PSMB2: variants seen among roughly 807,000 people sequenced by gnomAD.
PSMB2 encodes the protein proteasome 20S subunit beta 2, also known as proteasome subunit beta type-2.
In PSMB2, 13 loss-of-function variants were observed where a neutral mutation model predicts 25.7. The observed-to-expected ratio is 0.51, with a 90% CI of 0.33 to 0.80. PSMB2 has a LOEUF of 0.80. Among genes scored for constraint, PSMB2 ranks in the 30% least tolerant of loss-of-function variants. PSMB2 has a pLI of 0.02. For synonymous variants in PSMB2, 87 were observed against 96.2 expected, an observed-to-expected ratio of 0.90 and a Z score of 0.56; for missense variants, 202 against 259.0, an observed-to-expected ratio of 0.78 and a Z score of 1.51.
At position 35,602,623 on chromosome 1, in the gene PSMB2, C is replaced by T. The variant is rs78524165; in HGVS notation, c.*644G>A. The T allele has an allele frequency of 6.5e-6, 1 of 152,686 alleles. No individual in the cohort carries two copies. Among genetic ancestry groups the T allele is most frequent in the African/African-American group, 2.4e-5 (1 of 41,430 alleles). The allele number at this position is 152,686 out of a possible 1,614,324, so 9.5% of individuals were successfully genotyped here. A position where few individuals can be genotyped will look rare whatever the true frequency, so the allele number is the denominator to read the frequency against. On this transcript the variant is annotated 3_prime_UTR_variant, in exon 6 of 6. Transcript: ENST00000373237. ...ACCGATTCTCCTGTCTCAGCCTCCC[C>T]AGTAGCTGGGACTAGGGGTGCGTGC...
At chr1:35,630,138 G>A (rs1651047720) in intron 3 of PSMB2, among the ~76,000 whole-genome samples, 1 of 152,126 alleles carries the variant, frequency 6.6e-6, no homozygotes, top group African/African-American at 2.4e-5. Flanking sequence ...TTGCACCATT[G>A]CACTCTAGTT....
chr1:35,626,771 T>C (rs926407209), intron 3 of PSMB2, among the ~76,000 whole-genome samples: 8 of 152,202 alleles, frequency 5.3e-5, no homozygotes, highest in Non-Finnish European at 1.2e-4. Context: ...CAGATACATA[T>C]GTAAGTATTT....
chr1:35,611,844 A>G (rs1173804055), intron 3 of PSMB2, among the ~76,000 whole-genome samples: 1 of 150,548 alleles, frequency 6.6e-6, no homozygotes, highest in Non-Finnish European at 1.5e-5. Context: ...AAAAGGAGAG[A>G]GAGAGAGAGA....
intron 1 of PSMB2, among the ~76,000 whole-genome samples, chr1:35,638,269 A>C (rs1411586048): frequency 2.6e-5 from 4 of 152,234 alleles, no homozygotes; most frequent in Non-Finnish European, 2.9e-5. Flanking sequence ...TGAGTTGTAC[A>C]GGAAACTGCC....
intron 4 of PSMB2, among the ~76,000 whole-genome samples, chr1:35,606,371 A>G (rs1231321752): frequency 6.6e-6 from 1 of 152,244 alleles, no homozygotes; most frequent in Non-Finnish European, 1.5e-5. Flanking sequence ...TACAAAATTA[A>G]TATACAAAAA....
chr1:35,614,811 T>C (rs1650447524), intron 3 of PSMB2, among the ~76,000 whole-genome samples: 1 of 152,190 alleles, frequency 6.6e-6, no homozygotes, highest in African/African-American at 2.4e-5. Flanking sequence ...GAACTTCAGC[T>C]TCTAGCATGA....
chr1:35,633,288 C>T (rs1192295695), intron 2 of PSMB2, among the ~76,000 whole-genome samples: 1 of 151,530 alleles, frequency 6.6e-6, no homozygotes, highest in Non-Finnish European at 1.5e-5. Flanking sequence ...CTTTACTTAA[C>T]CCCCTAAACA....
intron 2 of PSMB2, among the ~76,000 whole-genome samples, chr1:35,633,795 T>G (rs569130511): frequency 6.6e-6 from 1 of 152,412 alleles, no homozygotes; most frequent in Non-Finnish European, 1.5e-5. Flanking sequence ...TTAAGCAGAA[T>G]GCTTACCATA....
At chr1:35,628,623 ATATATATATT>A (rs1180987642) in intron 3 of PSMB2, among the ~76,000 whole-genome samples, 65 of 46,446 alleles carry the variant, frequency 1.4e-3, no homozygotes, top group African/African-American at 2.4e-3. Flanking sequence ...ATATATATAT[ATATATATATT>A]TTTTTTTTTT....
At chr1:35,631,158 G>T in intron 3 of PSMB2, 116 bp downstream of exon 3, 1 of 893,242 alleles carries the variant, frequency 1.1e-6, no homozygotes, top group Admixed American at 2.0e-5. Context: ...AGTAGCAACA[G>T]GAGGGGTTCT....
intron 3 of PSMB2, among the ~76,000 whole-genome samples, chr1:35,614,500 A>ATCT (rs1650438340): frequency 3.9e-5 from 6 of 152,352 alleles, no homozygotes; most frequent in Admixed American, 1.3e-4. Flanking sequence ...AATTGTTTAG[A>ATCT]TAGTAAGTCT....
intron 3 of PSMB2, among the ~76,000 whole-genome samples, chr1:35,628,722 A>T (rs572741687): frequency 6.9e-6 from 1 of 145,668 alleles, no homozygotes; most frequent in East Asian, 2.1e-4. Context: ...TCAATCCTAC[A>T]TGTCTCTAGC....
Position 35,601,655 on chromosome 1 carries a change from C to CA in PSMB2, c.*1611dup. On this transcript the variant is annotated 3_prime_UTR_variant, in exon 6 of 6. Transcript: ENST00000373237. ...GTATCTTAGATGATACATTTAATCACAGACAAAACAAAAACCTATCTGTAT... is the reference window on the plus strand; with the variant it reads ...GTATCTTAGATGATACATTTAATCACAAGACAAAACAAAAACCTATCTGTAT... The CA allele has an allele frequency of 1.0e-6, 1 of 985,132 alleles. No homozygotes were observed. The highest frequency in any genetic ancestry group is 5.2e-4 in the Middle Eastern group (1 of 1,912). 61.0% of individuals were successfully genotyped at this position (985,132 alleles called of 1,614,324 possible).
At chr1:35,632,134 T>C (rs905465152) in intron 2 of PSMB2, among the ~76,000 whole-genome samples, 2 of 152,368 alleles carry the variant, frequency 1.3e-5, no homozygotes, top group South Asian at 2.1e-4. Context: ...TATTAAGAAG[T>C]ATAATATGAC....
Position 35,603,017 on chromosome 1 carries a change from G to A in PSMB2, c.*250C>T, listed in dbSNP as rs2148560186. On this transcript the variant is annotated 3_prime_UTR_variant, in exon 6 of 6. Transcript: ENST00000373237. Reference sequence around the variant, plus strand: ...GAACGTGGGGCCGTCAGCTGCTAAAGGGTACTGAGCGTTAATGGAGGGCGG... The same window carrying A: ...GAACGTGGGGCCGTCAGCTGCTAAAAGGTACTGAGCGTTAATGGAGGGCGG... 8.3e-7 allele frequency: 1 copy of A among 1,200,984 alleles called. No homozygotes were observed. Among genetic ancestry groups the A allele is most frequent in the Non-Finnish European group, 1.0e-6 (1 of 964,266 alleles). 74.4% of individuals were successfully genotyped at this position (1,200,984 alleles called of 1,614,324 possible).
chr1:35,638,559 G>A (rs961200037), intron 1 of PSMB2, among the ~76,000 whole-genome samples: 5 of 152,184 alleles, frequency 3.3e-5, no homozygotes, highest in Admixed American at 1.3e-4. Context: ...TCACAAGTGA[G>A]AAAAACTAAT....
At chr1:35,627,354 G>A (rs189134559) in intron 3 of PSMB2, among the ~76,000 whole-genome samples, 2 of 150,402 alleles carry the variant, frequency 1.3e-5, no homozygotes, top group South Asian at 4.2e-4. Flanking sequence ...AACAGCAATC[G>A]CAGCATAAAA....
chr1:35,631,997 G>C (rs1420927148), intron 2 of PSMB2, among the ~76,000 whole-genome samples: 1 of 152,080 alleles, frequency 6.6e-6, no homozygotes, highest in Non-Finnish European at 1.5e-5. Flanking sequence ...CAGCATGGGT[G>C]ACAGAGCAAG....
chr1:35,605,685 T>C (rs560393270), intron 4 of PSMB2, among the ~76,000 whole-genome samples: 1 of 152,294 alleles, frequency 6.6e-6, no homozygotes, highest in South Asian at 2.1e-4. Flanking sequence ...AAAGAGACGA[T>C]GGGGTCAGAA....
Sources: gnomAD v4.1 joint callset for allele counts (sites outside exome capture counted in the v4.1 genomes callset) on GRCh38, gnomAD v4.1.1 for gene constraint, MANE v1.5 for transcripts, NCBI Gene and HGNC (gene_info 2026-07-23, HGNC 2026-07-21) for gene names.